Variants in TRAF6 observed in about 807,000 individuals in gnomAD.
The protein encoded by TRAF6 is TNF receptor associated factor 6.
Under a neutral mutation model 48.4 loss-of-function variants are expected in TRAF6, and 10 were observed. That is an observed-to-expected ratio of 0.21 (90% CI 0.13 to 0.35). The LOEUF (loss-of-function observed/expected upper bound fraction) is 0.35, where lower values mean the gene tolerates loss of function less well. Ranked by LOEUF, TRAF6 falls within the 10% of genes least tolerant of loss-of-function variation. The pLI is 1.00. For synonymous variants in TRAF6, 186 were observed against 219.6 expected (o/e 0.85, Z 1.35); for missense variants, 397 against 661.0 (o/e 0.60, Z 4.38).
chr11:36,508,469 G>A (rs983942635), intron 1 of TRAF6, among the ~76,000 whole-genome samples: 2 of 152,048 alleles, frequency 1.3e-5, no homozygotes, highest in African/African-American at 4.8e-5. Flanking sequence ...TCTTGGGGGA[G>A]GGGGAAGTAG....
chr11:36,492,433 A>G (rs1048998945), intron 6 of TRAF6, 118 bp downstream of exon 6: 57 of 846,968 alleles, frequency 6.7e-5, no homozygotes, highest in Admixed American at 2.8e-5. Flanking sequence ...TAACTCTATT[A>G]TATCACTTAT....
chr11:36,495,301 C>T (rs2133669140), intron 4 of TRAF6, among the ~76,000 whole-genome samples: 1 of 152,118 alleles, frequency 6.6e-6, no homozygotes, highest in African/African-American at 2.4e-5. Context: ...TTTTCAAATC[C>T]CTTCCTTTTA....
rs1203949782 is a variant in TRAF6 at position 36,489,642 on chromosome 11, G to A, written c.*196C>T. 2 of 634,092 alleles carry A rather than the reference G, an allele frequency of 3.2e-6. No individual in the cohort carries two copies. Among genetic ancestry groups the A allele is most frequent in the South Asian group, 2.2e-5 (1 of 45,724 alleles). The allele number at this position is 634,092 out of a possible 1,614,324, so 39.3% of individuals were successfully genotyped here. On this transcript the variant is annotated 3_prime_UTR_variant, in exon 7 of 7. Coordinates refer to ENST00000526995, the MANE Select transcript of TRAF6 (RefSeq NM_004620.4). ...AGGCCTAACATTTCTGAAAAAGCAT[G>A]GAACGTGTGGATTCCCAGGAAAAAA...
intron 1 of TRAF6, among the ~76,000 whole-genome samples, chr11:36,505,786 T>C (rs778699610): frequency 3.9e-5 from 6 of 152,150 alleles, no homozygotes; most frequent in African/African-American, 1.2e-4. Flanking sequence ...TTAGAGGCCA[T>C]TGTAGGATTA....
chr11:36,494,245 A>T (rs945674233), intron 5 of TRAF6, among the ~76,000 whole-genome samples: 1 of 152,094 alleles, frequency 6.6e-6, no homozygotes, highest in Non-Finnish European at 1.5e-5. Context: ...ATGGTGGTGC[A>T]CGCCCGTAGT....
chr11:36,508,427 A>G (rs1438667509), intron 1 of TRAF6, among the ~76,000 whole-genome samples: 1 of 152,082 alleles, frequency 6.6e-6, no homozygotes, highest in Non-Finnish European at 1.5e-5. Context: ...ATCTGGGTGT[A>G]CATTATAATC....
intron 3 of TRAF6, 87 bp downstream of exon 3, chr11:36,498,403 C>A: frequency 8.2e-7 from 1 of 1,221,778 alleles, no homozygotes; most frequent in Non-Finnish European, 1.1e-6. Context: ...TAGGTACTGG[C>A]AATACACAGA....
At chr11:36,509,147 T>C (rs1386095446) in intron 1 of TRAF6, among the ~76,000 whole-genome samples, 1 of 152,210 alleles carries the variant, frequency 6.6e-6, no homozygotes, top group Non-Finnish European at 1.5e-5. Context: ...CAACACAGAA[T>C]TTCTTTACCA....
intron 1 of TRAF6, among the ~76,000 whole-genome samples, chr11:36,503,027 C>G (rs1417284293): frequency 6.6e-6 from 1 of 152,106 alleles, no homozygotes; most frequent in Non-Finnish European, 1.5e-5. Context: ...AGTAACTTAC[C>G]TAAGATTACC....
In TRAF6 at chr11:36,488,244, A is replaced by C. The variant is rs765223330; in HGVS notation, c.*1594T>G. 1.1e-4 allele frequency: 16 copies of C among 141,022 alleles called. No individual in the cohort carries two copies. The highest frequency in any genetic ancestry group is 1.7e-4 in the Non-Finnish European group (11 of 65,210). The allele number at this position is 141,022 out of a possible 1,614,324, so 8.7% of individuals were successfully genotyped here. A position where few individuals can be genotyped will look rare whatever the true frequency, so the allele number is the denominator to read the frequency against. On this transcript the variant is annotated 3_prime_UTR_variant, in exon 7 of 7. Coordinates refer to ENST00000526995, the MANE Select transcript of TRAF6 (RefSeq NM_004620.4). ...GGTACTAATGGTGGCACGGGAAACA[A>C]GGTCTCTGCTTGACTTTTATTTTCA...
intron 1 of TRAF6, among the ~76,000 whole-genome samples, chr11:36,508,365 T>C (rs1465634359): frequency 1.3e-5 from 2 of 151,786 alleles, no homozygotes; most frequent in African/African-American, 2.4e-5. Flanking sequence ...GTAAAATGAG[T>C]AGTATTGAAA....
At chr11:36,500,403 G>A (rs896692234) in intron 2 of TRAF6, among the ~76,000 whole-genome samples, 17 of 152,156 alleles carry the variant, frequency 1.1e-4, no homozygotes, top group African/African-American at 3.6e-4. Context: ...TGCCTGACAT[G>A]TTCAAGGGAT....
Position 36,501,191 on chromosome 11 carries a change from G to C in TRAF6, c.296+29C>G, listed in dbSNP as rs757484716. The C allele has an allele frequency of 1.8e-5, 28 of 1,527,530 alleles. No individual in the cohort carries two copies. In the South Asian group the frequency reaches 3.3e-4, roughly 18 times the overall value. The allele number at this position is 1,527,530 out of a possible 1,614,324, so 94.6% of individuals were successfully genotyped here. The stretch of plus-strand genomic sequence containing the variant: ...GTTCTCTGCATCTGGTTCTGTTATA[G>C]GACACCATTTTTTCTTATGCTCACG... On this transcript the variant is annotated intron_variant, in intron 2 of 6. Transcript: ENST00000526995.
Position 36,490,086 on chromosome 11 carries a change from G to T in TRAF6, c.1321C>A (p.Pro441Thr). The T allele has an allele frequency of 2.5e-6, 4 of 1,614,226 alleles. No homozygotes were observed. Among genetic ancestry groups the T allele is most frequent in the South Asian group, 1.1e-5 (1 of 91,086 alleles). ...RLTILDQSEA[P>T]VRQNHEEIMD... ...ATCTCTTCGTGGTTTTGCCTTACAG[G>T]TGCTTCAGACTGATCAAGAATTGTA... Residue 441 changes from proline to threonine, a missense_variant, in exon 7 of 7, where the codon CCT (proline) becomes ACT (threonine). Coordinates refer to ENST00000526995, the MANE Select transcript of TRAF6 (RefSeq NM_004620.4). The surrounding 1 kb of genome is among the most constrained non-coding windows in gnomAD (Gnocchi z 6.4).
At position 36,490,676 on chromosome 11, in the gene TRAF6, C is replaced by A. The variant is rs557776856; in HGVS notation, c.757-26G>T. On this transcript the variant is annotated intron_variant, in intron 6 of 6. Transcript: ENST00000526995. The surrounding 1 kb of genome is among the most constrained non-coding windows in gnomAD (Gnocchi z 6.4). Reference sequence around the variant, plus strand: ...CTAAAAATCAAGCACAAGCCTTAGGCTGGGAATAGATACCGTGAGGAGTAG... The same window carrying A: ...CTAAAAATCAAGCACAAGCCTTAGGATGGGAATAGATACCGTGAGGAGTAG... 52 of 1,586,804 alleles carry A rather than the reference C, an allele frequency of 3.3e-5. 1 individual carries two copies. In the South Asian group the frequency reaches 5.7e-4, roughly 17 times the overall value.
chr11:36,498,003 G>T (rs1467439329), intron 3 of TRAF6, among the ~76,000 whole-genome samples: 1 of 151,576 alleles, frequency 6.6e-6, no homozygotes, highest in Non-Finnish European at 1.5e-5. Flanking sequence ...TCCTGCTTTG[G>T]CCTCCTGAGT....
intron 1 of TRAF6, among the ~76,000 whole-genome samples, chr11:36,509,580 T>C (rs1268357305): frequency 6.6e-6 from 1 of 152,188 alleles, no homozygotes; most frequent in South Asian, 2.1e-4. Flanking sequence ...AGCGGACAAC[T>C]GCAGGAGGCA....
intron 6 of TRAF6, among the ~76,000 whole-genome samples, chr11:36,491,460 C>T (rs975041480): frequency 6.6e-6 from 1 of 152,110 alleles, no homozygotes; most frequent in Non-Finnish European, 1.5e-5. Context: ...TACAACCATA[C>T]CATTTTGCTC....
rs1327734635 is a variant in TRAF6 at position 36,486,566 on chromosome 11, T to C, written c.*3272A>G. On this transcript the variant is annotated 3_prime_UTR_variant, in exon 7 of 7. Coordinates refer to ENST00000526995, the MANE Select transcript of TRAF6 (RefSeq NM_004620.4). Reference sequence around the variant, plus strand: ...GGTCACAATAATTAACTGCTAGAGATCGTCCAGTATCTCTGTATTATTCCA... The same window carrying C: ...GGTCACAATAATTAACTGCTAGAGACCGTCCAGTATCTCTGTATTATTCCA... Among the ~76,000 whole-genome samples, 1 of 152,144 alleles carries C rather than the reference T, an allele frequency of 6.6e-6. No homozygotes were observed. Among genetic ancestry groups the C allele is most frequent in the African/African-American group, 2.4e-5 (1 of 41,386 alleles).
Sources: allele counts gnomAD v4.1 joint callset (sites outside exome capture counted in the v4.1 genomes callset), GRCh38; gene constraint gnomAD v4.1.1; non-coding constraint Gnocchi (gnomAD v3.1); transcripts MANE v1.5; gene names NCBI Gene and HGNC (gene_info 2026-07-23, HGNC 2026-07-21).